RSPO2: variants seen among roughly 807,000 people sequenced by gnomAD.
RSPO2 encodes the protein R-spondin-2.
A neutral mutation model predicts 30.9 loss-of-function variants in RSPO2; 14 were observed. That is an observed-to-expected ratio of 0.45 (90% CI 0.30 to 0.71). RSPO2 has a LOEUF of 0.71. Ranked by LOEUF, RSPO2 falls within the 30% of genes least tolerant of loss-of-function variation. The pLI is 0.08. For missense variants in RSPO2, 264 were observed against 301.9 expected (o/e 0.87, Z 0.93); for synonymous variants, 107 against 96.4 (o/e 1.11, Z -0.64).
intron 2 of RSPO2, among the ~76,000 whole-genome samples, chr8:108,040,731 A>G (rs1392601650): frequency 6.6e-6 from 1 of 152,148 alleles, no homozygotes; most frequent in Non-Finnish European, 1.5e-5. Context: ...TAGTTACGAG[A>G]CTTTTGCAAT....
intron 5 of RSPO2, among the ~76,000 whole-genome samples, chr8:107,936,053 C>G (rs1353075460): frequency 6.6e-6 from 1 of 152,054 alleles, no homozygotes; most frequent in Non-Finnish European, 1.5e-5. Context: ...ATTTATTCTA[C>G]CTATGTATAT....
intron 5 of RSPO2, among the ~76,000 whole-genome samples, chr8:107,928,606 A>G (rs941990235): frequency 2.0e-5 from 3 of 152,190 alleles, no homozygotes; most frequent in African/African-American, 7.2e-5. Flanking sequence ...GATGCTTTCC[A>G]ACAATCATCT....
intron 3 of RSPO2, among the ~76,000 whole-genome samples, chr8:107,976,982 A>C (rs1814238375): frequency 6.6e-6 from 1 of 152,218 alleles, no homozygotes. Context: ...AATCTTAGAG[A>C]AGGAAGAAAC....
intron 2 of RSPO2, among the ~76,000 whole-genome samples, chr8:108,015,070 AC>A (rs1040966101): frequency 6.6e-6 from 1 of 152,180 alleles, no homozygotes; most frequent in African/African-American, 2.4e-5. Context: ...GTAGAAAAGT[AC>A]CCCATATTAT....
intron 2 of RSPO2, among the ~76,000 whole-genome samples, chr8:108,015,515 A>T (rs1035740976): frequency 1.3e-5 from 2 of 152,064 alleles, no homozygotes; most frequent in African/African-American, 4.8e-5. Flanking sequence ...CTAGGCCTCA[A>T]CTGTGACCCC....
At chr8:108,017,371 T>A (rs1400602722) in intron 2 of RSPO2, among the ~76,000 whole-genome samples, 2 of 152,120 alleles carry the variant, frequency 1.3e-5, no homozygotes, top group African/African-American at 4.8e-5. Context: ...TATAAGAATA[T>A]AAATGCCAAC....
chr8:108,068,516 G>A (rs73309354), intron 2 of RSPO2, among the ~76,000 whole-genome samples: 4,344 of 152,222 alleles, frequency 0.029, 133 homozygotes, highest in African/African-American at 0.073. Context: ...AAAGACTACC[G>A]GGTATGATGC....
intron 5 of RSPO2, among the ~76,000 whole-genome samples, chr8:107,927,508 A>G (rs1317723876): frequency 6.6e-6 from 1 of 152,164 alleles, no homozygotes; most frequent in Non-Finnish European, 1.5e-5. Flanking sequence ...GTTTTTGCCC[A>G]TTCAGTATGA....
At chr8:107,955,292 C>T (rs1813386865) in intron 5 of RSPO2, among the ~76,000 whole-genome samples, 2 of 152,062 alleles carry the variant, frequency 1.3e-5, no homozygotes. Flanking sequence ...CCCCTAAATC[C>T]TCAATTTTAC....
chr8:108,032,046 G>A (rs1811438614), intron 2 of RSPO2, among the ~76,000 whole-genome samples: 1 of 152,018 alleles, frequency 6.6e-6, no homozygotes, highest in South Asian at 2.1e-4. Context: ...AGCTATGGCT[G>A]GACCACAGGC....
chr8:108,067,418 C>T (rs940601213), intron 2 of RSPO2, among the ~76,000 whole-genome samples: 33 of 152,166 alleles, frequency 2.2e-4, no homozygotes, highest in African/African-American at 6.5e-4. Context: ...GTAATATCTG[C>T]GATTTTCTTT....
At chr8:108,066,684 A>G (rs980071434) in intron 2 of RSPO2, among the ~76,000 whole-genome samples, 1 of 152,222 alleles carries the variant, frequency 6.6e-6, no homozygotes, top group Non-Finnish European at 1.5e-5. Context: ...ATTGTGTTTC[A>G]TAGTACAAAA....
chr8:107,902,773 GAA>G (rs1255074395), intron 5 of RSPO2, among the ~76,000 whole-genome samples: 1 of 151,770 alleles, frequency 6.6e-6, no homozygotes, highest in Non-Finnish European at 1.5e-5. Flanking sequence ...TTTATCACAA[GAA>G]AAAAAGATTT....
chr8:108,080,518 A>G (rs1813161523), intron 2 of RSPO2, among the ~76,000 whole-genome samples: 2 of 152,176 alleles, frequency 1.3e-5, no homozygotes, highest in African/African-American at 4.8e-5. Context: ...GCTAAAAGTA[A>G]GCTTTGAAAT....
At chr8:107,970,590 T>C (rs1047696780) in intron 3 of RSPO2, among the ~76,000 whole-genome samples, 2 of 152,252 alleles carry the variant, frequency 1.3e-5, no homozygotes, top group Non-Finnish European at 2.9e-5. Context: ...ATGAGGATGC[T>C]GGAATTCAGT....
chr8:108,029,786 G>C (rs887204769), intron 2 of RSPO2, among the ~76,000 whole-genome samples: 2 of 152,136 alleles, frequency 1.3e-5, no homozygotes, highest in Non-Finnish European at 2.9e-5. Flanking sequence ...GTATCGACAG[G>C]AGTTATTACA....
intron 5 of RSPO2, among the ~76,000 whole-genome samples, chr8:107,919,965 G>A (rs1238177708): frequency 6.6e-6 from 1 of 152,116 alleles, no homozygotes; most frequent in Admixed American, 6.6e-5. Flanking sequence ...GAACAGCAAA[G>A]CTTCAAGCGT....
chr8:107,982,990 C>G (rs370423063), intron 3 of RSPO2: 2 of 590,460 alleles, frequency 3.4e-6, no homozygotes, highest in East Asian at 3.0e-5. Context: ...TCAGCGCCTA[C>G]GACTGGCTCC....
At chr8:108,029,695 AT>A (rs987792141) in intron 2 of RSPO2, among the ~76,000 whole-genome samples, 3 of 152,144 alleles carry the variant, frequency 2.0e-5, no homozygotes, top group Admixed American at 1.3e-4. Flanking sequence ...TGCACCAAAC[AT>A]TTTTTCCACT....
Sources: allele counts gnomAD v4.1 joint callset (sites outside exome capture counted in the v4.1 genomes callset), GRCh38; gene constraint gnomAD v4.1.1; transcripts MANE v1.5; gene names NCBI Gene and HGNC (gene_info 2026-07-23, HGNC 2026-07-21).